EPHA6: variants seen among roughly 807,000 people sequenced by gnomAD.
EPHA6 encodes EPH receptor A6.
A neutral mutation model predicts 112.0 loss-of-function variants in EPHA6; 50 were observed. The observed-to-expected ratio is 0.45, with a 90% CI of 0.36 to 0.56. The LOEUF is 0.56. EPHA6 is among the 20% of genes least tolerant of loss of function. The probability of loss-of-function intolerance (pLI) is 0.00; values close to 1 mark genes in which losing one functional copy is unlikely to be tolerated. For synonymous variants in EPHA6, 529 were observed against 490.7 expected, an observed-to-expected ratio of 1.08 and a Z score of -1.03; for missense variants, 1,280 against 1,417.4, an observed-to-expected ratio of 0.90 and a Z score of 1.56.
rs181768294 is a variant in EPHA6, at chr3:97,211,406, C to T, written c.1115-14858C>T. Among the ~76,000 whole-genome samples, 821 of 152,222 alleles carry T rather than the reference C, an allele frequency of 5.4e-3. 6 individuals are homozygous for T. The highest frequency in any genetic ancestry group is 0.018 in the African/African-American group (768 of 41,544). On this transcript the variant is annotated intron_variant, in intron 3 of 17. Coordinates refer to ENST00000389672, the MANE Select transcript of EPHA6 (RefSeq NM_001080448.3). ...TTCCCATTGTCTTAGTCAGTTTGGG[C>T]TTCTGTAACAAAATATCATAGACTG... is the stretch of plus-strand genomic sequence containing the variant.
intron 3 of EPHA6, among the ~76,000 whole-genome samples, chr3:97,035,880 T>C (rs1480471881): frequency 5.3e-5 from 8 of 152,002 alleles, no homozygotes; most frequent in Non-Finnish European, 1.0e-4. Flanking sequence ...AAACCTCATA[T>C]GTGGAAATCG....
At chr3:97,358,325 T>A (rs28770582) in intron 5 of EPHA6, among the ~76,000 whole-genome samples, 19,780 of 152,132 alleles carry the variant, frequency 0.13, 3,978 homozygotes, top group African/African-American at 0.43. Flanking sequence ...ATACCAGCTT[T>A]CCTTCAATAA....
At chr3:97,472,374 A>G (rs1315574544) in intron 7 of EPHA6, among the ~76,000 whole-genome samples, 3 of 151,866 alleles carry the variant, frequency 2.0e-5, no homozygotes, top group East Asian at 3.9e-4. Context: ...TGCTTCCCAA[A>G]TGATAAGATA....
intron 5 of EPHA6, among the ~76,000 whole-genome samples, chr3:97,373,186 T>G (rs927709551): frequency 1.5e-4 from 23 of 152,284 alleles, no homozygotes; most frequent in African/African-American, 5.0e-4. Flanking sequence ...GAAAAGTATA[T>G]TCACAATCCC....
intron 3 of EPHA6, among the ~76,000 whole-genome samples, chr3:97,211,414 A>G (rs1270848477): frequency 6.6e-6 from 1 of 152,172 alleles, no homozygotes; most frequent in Non-Finnish European, 1.5e-5. Context: ...GGCTTCTGTA[A>G]CAAAATATCA....
intron 2 of EPHA6, among the ~76,000 whole-genome samples, chr3:96,967,675 G>A (rs890064030): frequency 6.6e-6 from 1 of 150,804 alleles, no homozygotes; most frequent in Non-Finnish European, 1.5e-5. Context: ...ATAGAATTGA[G>A]TAACAGTTGT....
At chr3:97,241,933 G>A (rs1000054440) in intron 4 of EPHA6, among the ~76,000 whole-genome samples, 3 of 151,260 alleles carry the variant, frequency 2.0e-5, no homozygotes, top group East Asian at 1.9e-4. Flanking sequence ...TCATTCTGTC[G>A]GAAAACATTA....
chr3:97,571,918 T>A (rs1341114399), intron 11 of EPHA6, among the ~76,000 whole-genome samples: 1 of 152,190 alleles, frequency 6.6e-6, no homozygotes, highest in Admixed American at 6.5e-5. Context: ...TTGCAATGTA[T>A]AGCACACCAT....
At chr3:96,947,001 C>T (rs551418305) in intron 2 of EPHA6, among the ~76,000 whole-genome samples, 6 of 150,994 alleles carry the variant, frequency 4.0e-5, no homozygotes, top group East Asian at 1.9e-4. Context: ...TCATATCCTT[C>T]GCCCACTTTT....
At chr3:97,446,290 G>C (rs1487028492) in intron 6 of EPHA6, among the ~76,000 whole-genome samples, 1 of 150,776 alleles carries the variant, frequency 6.6e-6, no homozygotes, top group Non-Finnish European at 1.5e-5. Flanking sequence ...CTCACCGGTA[G>C]TGAGTGATTC....
chr3:97,256,321 A>G (rs2079311843), intron 5 of EPHA6, among the ~76,000 whole-genome samples: 1 of 151,996 alleles, frequency 6.6e-6, no homozygotes, highest in Non-Finnish European at 1.5e-5. Context: ...TTTTTAACCA[A>G]TTATGGTTCA....
At chr3:97,204,764 T>C (rs994115266) in intron 3 of EPHA6, among the ~76,000 whole-genome samples, 1 of 152,032 alleles carries the variant, frequency 6.6e-6, no homozygotes, top group Non-Finnish European at 1.5e-5. Context: ...TTCAGCAGAG[T>C]TGACTGAATA....
intron 5 of EPHA6, among the ~76,000 whole-genome samples, chr3:97,322,085 A>T (rs1199903825): frequency 6.6e-6 from 1 of 152,050 alleles, no homozygotes; most frequent in Non-Finnish European, 1.5e-5. Context: ...AGACTTTCTC[A>T]AACTACTGGT....
At chr3:97,385,791 G>T (rs936728005) in intron 5 of EPHA6, among the ~76,000 whole-genome samples, 1 of 152,092 alleles carries the variant, frequency 6.6e-6, no homozygotes, top group Non-Finnish European at 1.5e-5. Context: ...TCTTCACAAG[G>T]CTGGCAGGAG....
chr3:97,623,049 G>A (rs2093826553), intron 13 of EPHA6, among the ~76,000 whole-genome samples: 2 of 151,486 alleles, frequency 1.3e-5, no homozygotes, highest in Non-Finnish European at 1.5e-5. Context: ...CCCATTCTGT[G>A]CGTTGCCTTT....
intron 2 of EPHA6, among the ~76,000 whole-genome samples, chr3:96,885,923 C>T (rs2037594576): frequency 6.6e-6 from 1 of 152,060 alleles, no homozygotes; most frequent in African/African-American, 2.4e-5. Flanking sequence ...TAGGTTGTGT[C>T]ATTATTGTTG....
At chr3:97,161,372 C>G (rs2076410964) in intron 3 of EPHA6, among the ~76,000 whole-genome samples, 1 of 152,112 alleles carries the variant, frequency 6.6e-6, no homozygotes, top group Non-Finnish European at 1.5e-5. Context: ...GCCAAAGGCT[C>G]TAAACAGCTT....
intron 11 of EPHA6, among the ~76,000 whole-genome samples, chr3:97,573,341 T>C (rs372632822): frequency 6.9e-4 from 105 of 152,272 alleles, no homozygotes; most frequent in African/African-American, 2.2e-3. Flanking sequence ...TTAGATTATA[T>C]GAAGTCGAGT....
chr3:97,028,572 AT>A (rs1209128080), intron 3 of EPHA6, among the ~76,000 whole-genome samples: 9 of 152,058 alleles, frequency 5.9e-5, no homozygotes, highest in Non-Finnish European at 4.4e-5. Flanking sequence ...TGCAAAATTG[AT>A]TTTTAAGGAA....
Sources: gnomAD v4.1 joint callset for allele counts (sites outside exome capture counted in the v4.1 genomes callset) on GRCh38, gnomAD v4.1.1 for gene constraint, MANE v1.5 for transcripts, NCBI Gene and HGNC (gene_info 2026-07-23, HGNC 2026-07-21) for gene names.